Variants in HCRTR2 observed in about 807,000 individuals in gnomAD.
The protein encoded by HCRTR2 is hypocretin receptor 2, also known as orexin receptor type 2.
In HCRTR2, 22 loss-of-function variants were observed where a neutral mutation model predicts 49.0. That is an observed-to-expected ratio of 0.45 (90% CI 0.32 to 0.64). The LOEUF (loss-of-function observed/expected upper bound fraction) is 0.64. Ranked by LOEUF, HCRTR2 falls within the 30% of genes least tolerant of loss-of-function variation. The pLI is 0.04. For synonymous variants in HCRTR2, 236 were observed against 205.3 expected (o/e 1.15, Z -1.28); for missense variants, 491 against 559.4 (o/e 0.88, Z 1.23).
chr6:55,109,542 G>A (rs1764021630), intron 1 of HCRTR2, among the ~76,000 whole-genome samples: 1 of 151,976 alleles, frequency 6.6e-6, no homozygotes, highest in Admixed American at 6.6e-5. Context: ...ACAACTTATG[G>A]GAATGAAGGA....
intron 1 of HCRTR2, among the ~76,000 whole-genome samples, chr6:55,231,990 C>T (rs1766123865): frequency 6.6e-6 from 1 of 152,134 alleles, no homozygotes; most frequent in Non-Finnish European, 1.5e-5. Context: ...TGTTCATTGT[C>T]CATCATCTTC....
chr6:55,145,222 T>C (rs1343875150), intron 1 of HCRTR2, among the ~76,000 whole-genome samples: 3 of 152,170 alleles, frequency 2.0e-5, no homozygotes, highest in Non-Finnish European at 2.9e-5. Flanking sequence ...AGTTTTCTTT[T>C]CTCAACTGGT....
At chr6:55,197,151 A>T (rs1461947419) in intron 1 of HCRTR2, among the ~76,000 whole-genome samples, 1 of 152,108 alleles carries the variant, frequency 6.6e-6, no homozygotes, top group East Asian at 1.9e-4. Context: ...TTAACTAACA[A>T]TTTTATCTCT....
intron 1 of HCRTR2, among the ~76,000 whole-genome samples, chr6:55,206,068 A>AT (rs200438259): frequency 0.024 from 3,662 of 152,170 alleles, 47 homozygotes; most frequent in African/African-American, 0.031. Context: ...GAAATCATTC[A>AT]TTTTTTGGAA....
At chr6:55,111,817 A>G (rs9396042) in intron 1 of HCRTR2, among the ~76,000 whole-genome samples, 48,382 of 151,878 alleles carry the variant, frequency 0.32, 9,472 homozygotes, top group East Asian at 0.79. Flanking sequence ...TCCTAATACC[A>G]AAACCAGGAA....
chr6:55,259,077 G>T (rs1163264567), intron 3 of HCRTR2, among the ~76,000 whole-genome samples: 1 of 152,070 alleles, frequency 6.6e-6, no homozygotes, highest in African/African-American at 2.4e-5. Context: ...AACTCTTTTT[G>T]TACACTCAAT....
chr6:55,280,568 T>A, intron 6 of HCRTR2, 124 bp downstream of exon 6: 1 of 1,296,540 alleles, frequency 7.7e-7, no homozygotes, highest in Non-Finnish European at 1.1e-6. Context: ...CTGACCTGAT[T>A]TATCTTGAGT....
intron 3 of HCRTR2, among the ~76,000 whole-genome samples, chr6:55,258,136 AG>A (rs750431775): frequency 3.9e-5 from 6 of 152,112 alleles, no homozygotes; most frequent in Admixed American, 2.6e-4. Context: ...TATATTTTAC[AG>A]TGTCATCTCT....
chr6:55,283,411 G>A (rs1374971386), downstream of HCRTR2, among the ~76,000 whole-genome samples: 1 of 152,048 alleles, frequency 6.6e-6, no homozygotes, highest in Admixed American at 6.6e-5. Flanking sequence ...CAGAAAGTTT[G>A]TAGCGCAGTT....
upstream of HCRTR2, among the ~76,000 whole-genome samples, chr6:55,170,001 G>T (rs558795119): frequency 2.0e-5 from 3 of 151,016 alleles, no homozygotes; most frequent in Admixed American, 6.6e-5. Flanking sequence ...ATATAATCTG[G>T]GACAGCCCAT....
chr6:55,259,993 G>A (rs1766724580), intron 3 of HCRTR2, among the ~76,000 whole-genome samples: 1 of 152,060 alleles, frequency 6.6e-6, no homozygotes, highest in African/African-American at 2.4e-5. Flanking sequence ...TACCCTGGAA[G>A]GATAATTTTG....
rs532747157 is a variant in HCRTR2 at position 55,148,114 on chromosome 6, A to G, written c.-377-26097A>G. On this transcript the variant is annotated intron_variant, in intron 1 of 7. Transcript: ENST00000615358. ...AATGGTGAGGCAAACCAAGGTTTAT[A>G]GTACCTTTATATAAATTAGCCAAAT... 7.4e-4 allele frequency among the ~76,000 whole-genome samples: 113 copies of G among 152,312 alleles called. 1 individual carries two copies. In the South Asian group the frequency reaches 0.023, roughly 31 times the overall value.
intron 1 of HCRTR2, among the ~76,000 whole-genome samples, chr6:55,224,791 G>T (rs932169988): frequency 6.6e-6 from 1 of 152,182 alleles, no homozygotes; most frequent in Non-Finnish European, 1.5e-5. Context: ...GCTTATATGT[G>T]AAATCTAAAA....
At chr6:55,115,912 A>G (rs568251150) in intron 1 of HCRTR2, among the ~76,000 whole-genome samples, 1 of 151,598 alleles carries the variant, frequency 6.6e-6, no homozygotes, top group South Asian at 2.1e-4. Context: ...TATTGTTTCC[A>G]TGATGTATGT....
chr6:55,176,195 T>A (rs1411793699), intron 1 of HCRTR2, among the ~76,000 whole-genome samples: 2 of 152,164 alleles, frequency 1.3e-5, no homozygotes, highest in Non-Finnish European at 2.9e-5. Flanking sequence ...TGACAGGAGT[T>A]CTCCAGAGTG....
At chr6:55,127,244 C>T (rs1764294152) in intron 1 of HCRTR2, among the ~76,000 whole-genome samples, 1 of 152,148 alleles carries the variant, frequency 6.6e-6, no homozygotes, top group African/African-American at 2.4e-5. Context: ...TTGTGAAAAC[C>T]ATGGGAGAAG....
intron 1 of HCRTR2, among the ~76,000 whole-genome samples, chr6:55,152,337 G>A (rs1247812344): frequency 1.3e-5 from 2 of 151,630 alleles, no homozygotes; most frequent in Non-Finnish European, 2.9e-5. Context: ...GAAGTGTTGA[G>A]GATCTTTTCA....
chr6:55,263,640 A>G (rs530759293), intron 3 of HCRTR2, 67 bp from the exon 4 acceptor site: 2 of 805,554 alleles, frequency 2.5e-6, no homozygotes, highest in East Asian at 2.6e-5. Flanking sequence ...AAAAGCATTG[A>G]CATGTATCTT....
intron 4 of HCRTR2, among the ~76,000 whole-genome samples, chr6:55,271,240 A>G (rs1766967190): frequency 1.3e-5 from 2 of 152,172 alleles, no homozygotes; most frequent in Non-Finnish European, 2.9e-5. Context: ...AAATAAACTC[A>G]TATTTATGAT....
Sources: gnomAD v4.1 joint callset for allele counts (sites outside exome capture counted in the v4.1 genomes callset) on GRCh38, gnomAD v4.1.1 for gene constraint, MANE v1.5 for transcripts, NCBI Gene and HGNC (gene_info 2026-07-23, HGNC 2026-07-21) for gene names.